CWF19L2: variants seen among roughly 807,000 people sequenced by gnomAD.
CWF19L2 encodes CWF19-like protein 2.
CWF19L2 carries 98 observed loss-of-function variants against 111.7 expected under a neutral mutation model. The ratio of observed to expected loss-of-function variants is 0.88; its 90% CI spans 0.75 to 1.04. The LOEUF is 1.04. CWF19L2 is among the 50% of genes least tolerant of loss of function. The pLI is 0.00. For synonymous variants in CWF19L2, 351 were observed against 342.9 expected, an observed-to-expected ratio of 1.02 and a Z score of -0.26; for missense variants, 1,101 against 1,051.4, an observed-to-expected ratio of 1.05 and a Z score of -0.65.
rs1282302449 is a variant in CWF19L2, at chr11:107,369,062, T to C, written c.1873-15326A>G. 1.5e-5 allele frequency among the ~76,000 whole-genome samples: 2 copies of C among 137,818 alleles called. 1 individual carries two copies. Among genetic ancestry groups the C allele is most frequent in the African/African-American group, 5.8e-5 (2 of 34,638 alleles). The allele number at this position is 137,818 out of a possible 152,430, so 90.4% of individuals were successfully genotyped here. On this transcript the variant is annotated intron_variant, in intron 12 of 17. Transcript: ENST00000282251. ...CCAAGATTGAACCATTGGCCTTTCT[T>C]CCCTTTCCAGCAACTCCTCCAAATC...
Position 107,329,996 on chromosome 11 carries a change from G to C in CWF19L2, c.2463C>G (p.Phe821Leu), listed in dbSNP as rs752332845. The change falls in exon 17 of 18, where the codon TTC (phenylalanine) becomes TTG (leucine). Residue 821 changes from phenylalanine (F) to leucine (L), a missense_variant. Transcript: ENST00000282251. ...CTCCGTGAAGGCCAAAATCCACAGA[G>C]AAGTAAGGTAACCCTCTGGGTACCT... Reference protein sequence around the residue: ...RKSVPRGLPYFSVDFGLHGGF... With the variant: ...RKSVPRGLPYLSVDFGLHGGF... 8.2e-6 allele frequency: 13 copies of C among 1,582,136 alleles called. No homozygotes were observed. In the South Asian group the frequency reaches 1.3e-4, roughly 16 times the overall value.
intron 12 of CWF19L2, among the ~76,000 whole-genome samples, chr11:107,357,717 T>G (rs1860259181): frequency 6.6e-6 from 1 of 152,238 alleles, no homozygotes; most frequent in Non-Finnish European, 1.5e-5. Context: ...GCATTTTTAC[T>G]CATTATCTTT....
chr11:107,452,087 G>T (rs192878533), intron 3 of CWF19L2, among the ~76,000 whole-genome samples: 1 of 151,996 alleles, frequency 6.6e-6, no homozygotes, highest in African/African-American at 2.4e-5. Context: ...CTGAAATAAG[G>T]CAACAACAAT....
intron 12 of CWF19L2, among the ~76,000 whole-genome samples, chr11:107,377,967 GA>G (rs1376966921): frequency 2.0e-5 from 3 of 151,946 alleles, no homozygotes; most frequent in African/African-American, 7.3e-5. Context: ...GATATGAACA[GA>G]CACTTCTCAA....
At chr11:107,407,189 A>G (rs1861091255) in intron 10 of CWF19L2, among the ~76,000 whole-genome samples, 3 of 152,152 alleles carry the variant, frequency 2.0e-5, no homozygotes, top group African/African-American at 7.2e-5. Context: ...TATGAAATTG[A>G]AAACTGTATT....
chr11:107,438,863 C>G (rs980636304), intron 6 of CWF19L2, among the ~76,000 whole-genome samples: 2 of 152,000 alleles, frequency 1.3e-5, no homozygotes, highest in Non-Finnish European at 2.9e-5. Flanking sequence ...GGCTGGGCAA[C>G]ATGGTGAAAC....
At chr11:107,428,362 A>T (rs1316316630) in intron 8 of CWF19L2, among the ~76,000 whole-genome samples, 1 of 151,998 alleles carries the variant, frequency 6.6e-6, no homozygotes, top group East Asian at 1.9e-4. Context: ...GTCACTTTAT[A>T]TTTGGGCCGT....
At chr11:107,362,509 C>T (rs930197062) in intron 12 of CWF19L2, among the ~76,000 whole-genome samples, 5 of 152,106 alleles carry the variant, frequency 3.3e-5, no homozygotes. Flanking sequence ...CAAGTGGGTC[C>T]CTGACCCCTG....
intron 12 of CWF19L2, among the ~76,000 whole-genome samples, chr11:107,360,887 T>C (rs933831438): frequency 6.6e-6 from 1 of 152,240 alleles, no homozygotes; most frequent in African/African-American, 2.4e-5. Context: ...ATTAGACCCT[T>C]GACAAATGCA....
intron 3 of CWF19L2, among the ~76,000 whole-genome samples, chr11:107,449,448 A>T (rs1861748517): frequency 6.6e-6 from 1 of 152,128 alleles, no homozygotes; most frequent in South Asian, 2.1e-4. Context: ...GACTTTCTTC[A>T]TATGTGTAAC....
At chr11:107,446,844 C>A (rs1213837495) in intron 3 of CWF19L2, among the ~76,000 whole-genome samples, 1 of 152,148 alleles carries the variant, frequency 6.6e-6, no homozygotes, top group Non-Finnish European at 1.5e-5. Context: ...AATTGATGCT[C>A]CCCATGCTAC....
intron 12 of CWF19L2, among the ~76,000 whole-genome samples, chr11:107,386,831 G>C (rs140990348): frequency 5.1e-4 from 78 of 152,144 alleles, no homozygotes; most frequent in Non-Finnish European, 7.6e-4. Flanking sequence ...TGAGATGGGC[G>C]GATCACGAGG....
chr11:107,372,903 C>T (rs1470795262), intron 12 of CWF19L2, among the ~76,000 whole-genome samples: 3 of 127,534 alleles, frequency 2.4e-5, no homozygotes, highest in East Asian at 2.3e-4. Context: ...GGGCGCAGGC[C>T]AGTGGGTGCG....
chr11:107,415,047 AG>A (rs1173208943), intron 10 of CWF19L2, among the ~76,000 whole-genome samples: 4 of 152,212 alleles, frequency 2.6e-5, no homozygotes, highest in African/African-American at 9.7e-5. Context: ...CAGAAAAAAA[AG>A]TCCACCTCCT....
chr11:107,347,655 A>G (rs138663410), intron 14 of CWF19L2, among the ~76,000 whole-genome samples: 143 of 152,284 alleles, frequency 9.4e-4, no homozygotes, highest in African/African-American at 3.3e-3. Context: ...TATAATGTAA[A>G]CTATACTAGA....
intron 12 of CWF19L2, among the ~76,000 whole-genome samples, chr11:107,377,850 T>C (rs1351360076): frequency 0.014 from 2,007 of 139,818 alleles, 54 homozygotes; most frequent in African/African-American, 0.053. Context: ...TGGGAGAAAA[T>C]TTTCGCAACC....
chr11:107,342,413 C>T (rs1489983731), intron 14 of CWF19L2, among the ~76,000 whole-genome samples: 1 of 151,842 alleles, frequency 6.6e-6, no homozygotes, highest in Non-Finnish European at 1.5e-5. Context: ...TAAAGTTGTT[C>T]CATAATACAC....
In CWF19L2 at chr11:107,454,884, T is replaced by G. The variant is rs1451853456; in HGVS notation, c.217-312A>C. ...ACATATATACACAAACATGTATACA[T>G]GCATCTATACACACACAAACACACA... is the stretch of plus-strand genomic sequence containing the variant. On this transcript the variant is annotated intron_variant, in intron 2 of 17. Transcript: ENST00000282251. Among the ~76,000 whole-genome samples the G allele has an allele frequency of 3.9e-5, 6 of 152,162 alleles. No individual in the cohort carries two copies. In the East Asian group the frequency reaches 7.7e-4, roughly 20 times the overall value.
At chr11:107,393,219 G>A (rs192330960) in intron 10 of CWF19L2, among the ~76,000 whole-genome samples, 12 of 152,240 alleles carry the variant, frequency 7.9e-5, no homozygotes, top group Admixed American at 7.8e-4. Flanking sequence ...TGCAGTAGAT[G>A]TAATGTTTTT....
Sources: allele counts gnomAD v4.1 joint callset (sites outside exome capture counted in the v4.1 genomes callset), GRCh38; gene constraint gnomAD v4.1.1; transcripts MANE v1.5; gene names NCBI Gene and HGNC (gene_info 2026-07-23, HGNC 2026-07-21).